The following HHAT variants were observed in gnomAD, a reference collection of about 807,000 sequenced individuals.
HHAT encodes hedgehog acyltransferase, also known as protein-cysteine N-palmitoyltransferase HHAT.
HHAT carries 47 observed loss-of-function variants against 70.8 expected under a neutral mutation model. The ratio of observed to expected loss-of-function variants is 0.66; its 90% CI spans 0.53 to 0.85. The LOEUF (loss-of-function observed/expected upper bound fraction) is 0.85. Among genes scored for constraint, HHAT ranks in the 40% least tolerant of loss-of-function variants. The pLI is 0.00. For missense variants in HHAT, 609 were observed against 604.8 expected (o/e 1.01, Z -0.07); for synonymous variants, 228 against 247.6 (o/e 0.92, Z 0.74).
intron 9 of HHAT, among the ~76,000 whole-genome samples, chr1:210,528,209 C>T (rs2095273575): frequency 6.6e-6 from 1 of 152,100 alleles, no homozygotes; most frequent in South Asian, 2.1e-4. Flanking sequence ...TGCACCAGAC[C>T]CAGGGGTGGT....
At chr1:210,589,754 A>G (rs1386915428) in intron 10 of HHAT, 1 of 152,212 alleles carries the variant, frequency 6.6e-6, no homozygotes, top group African/African-American at 2.4e-5. Context: ...TTCAAAATAA[A>G]TCAAGGCATC....
At chr1:210,433,753 T>C (rs188367530) in intron 7 of HHAT, among the ~76,000 whole-genome samples, 2 of 152,072 alleles carry the variant, frequency 1.3e-5, no homozygotes, top group East Asian at 1.9e-4. Flanking sequence ...TTCAGGGTGA[T>C]GTTGATGATG....
chr1:210,424,088 AT>A (rs1215083804), intron 7 of HHAT, among the ~76,000 whole-genome samples: 1 of 152,120 alleles, frequency 6.6e-6, no homozygotes, highest in African/African-American at 2.4e-5. Flanking sequence ...TGTTACTGGT[AT>A]TTTGATAGGA....
chr1:210,534,655 A>T (rs980731620), intron 9 of HHAT, among the ~76,000 whole-genome samples: 8 of 152,198 alleles, frequency 5.3e-5, no homozygotes, highest in African/African-American at 1.9e-4. Flanking sequence ...AGGTAATTTT[A>T]TACCATATTT....
intron 4 of HHAT, among the ~76,000 whole-genome samples, chr1:210,397,057 G>C (rs2091828935): frequency 6.6e-6 from 1 of 151,684 alleles, no homozygotes; most frequent in South Asian, 2.1e-4. Context: ...AGAGAAATCT[G>C]AATAAGTTTG....
intron 9 of HHAT, among the ~76,000 whole-genome samples, chr1:210,540,562 CAT>C (rs1357782306): frequency 2.0e-5 from 3 of 151,054 alleles, no homozygotes; most frequent in Non-Finnish European, 4.4e-5. Flanking sequence ...TAGACATACA[CAT>C]AGTGTGTATA....
At chr1:210,536,013 A>T (rs565559826) in intron 9 of HHAT, among the ~76,000 whole-genome samples, 1 of 152,346 alleles carries the variant, frequency 6.6e-6, no homozygotes, top group South Asian at 2.1e-4. Context: ...GGGCATATGC[A>T]TATCGAGTCC....
At chr1:210,386,248 T>TC (rs1157778393) in intron 3 of HHAT, among the ~76,000 whole-genome samples, 1 of 116,634 alleles carries the variant, frequency 8.6e-6, no homozygotes, top group Non-Finnish European at 1.8e-5. Context: ...TTTTTTTTTT[T>TC]TTTTTTTTGA....
chr1:210,638,305 G>C (rs1322657445), intron 11 of HHAT, among the ~76,000 whole-genome samples: 2 of 152,292 alleles, frequency 1.3e-5, no homozygotes, highest in East Asian at 3.9e-4. Context: ...TCTGTCAAAT[G>C]ATATGTGGCA....
intron 7 of HHAT, among the ~76,000 whole-genome samples, chr1:210,419,094 C>T (rs1475240702): frequency 6.6e-6 from 1 of 152,154 alleles, no homozygotes; most frequent in Admixed American, 6.5e-5. Context: ...TCACCAATGA[C>T]TGGTGTGTAA....
chr1:210,556,375 G>A (rs935511939), intron 9 of HHAT, among the ~76,000 whole-genome samples: 7 of 152,148 alleles, frequency 4.6e-5, no homozygotes, highest in Non-Finnish European at 1.0e-4. Flanking sequence ...TTATCACTGC[G>A]TCCTCTAGCT....
At chr1:210,429,553 GT>G (rs1313302961) in intron 7 of HHAT, among the ~76,000 whole-genome samples, 1 of 151,340 alleles carries the variant, frequency 6.6e-6, no homozygotes, top group East Asian at 1.9e-4. Context: ...TAAACTGAAA[GT>G]TAGATCTAGA....
chr1:210,356,946 T>G (rs1009173928), intron 2 of HHAT, among the ~76,000 whole-genome samples: 2 of 152,242 alleles, frequency 1.3e-5, no homozygotes, highest in African/African-American at 4.8e-5. Context: ...TACAAGGCTT[T>G]GTGAAAAGAC....
At chr1:210,529,596 C>A (rs1210842321) in intron 9 of HHAT, among the ~76,000 whole-genome samples, 1 of 152,180 alleles carries the variant, frequency 6.6e-6, no homozygotes, top group Non-Finnish European at 1.5e-5. Context: ...GCTACTACCC[C>A]AGTGTATCCC....
chr1:210,413,637 C>T lies in HHAT; in HGVS notation c.685-4517C>T, dbSNP rs6667070. Among the ~76,000 whole-genome samples, 989 of 152,282 alleles carry T rather than the reference C, an allele frequency of 6.5e-3. 11 individuals are homozygous for T. The highest frequency in any genetic ancestry group is 0.023 in the African/African-American group (941 of 41,548). ...CTGCCTTCCACAAAACACTAGGATACGAACACAATTCAGCCAAGTTCTTTG... is the reference window on the plus strand; with the variant it reads ...CTGCCTTCCACAAAACACTAGGATATGAACACAATTCAGCCAAGTTCTTTG... On this transcript the variant is annotated intron_variant, in intron 6 of 11. Coordinates refer to ENST00000261458, the MANE Select transcript of HHAT (RefSeq NM_018194.6).
intron 9 of HHAT, among the ~76,000 whole-genome samples, chr1:210,535,574 T>G (rs2095363405): frequency 6.6e-6 from 1 of 152,066 alleles, no homozygotes. Flanking sequence ...CCGCTTGGTG[T>G]GCAAACAGCT....
intron 11 of HHAT, among the ~76,000 whole-genome samples, chr1:210,648,902 G>A (rs1674590425): frequency 6.6e-6 from 1 of 152,186 alleles, no homozygotes; most frequent in South Asian, 2.1e-4. Flanking sequence ...GAAATGTTCA[G>A]GGAATTTGTG....
chr1:210,634,471 G>A (rs73063643), intron 11 of HHAT, among the ~76,000 whole-genome samples: 1,917 of 152,288 alleles, frequency 0.013, 41 homozygotes, highest in African/African-American at 0.041. Flanking sequence ...TGTGTTCTGA[G>A]GGTTGTCAAT....
In HHAT at chr1:210,615,430, T is replaced by C. The variant is rs567097000; in HGVS notation, c.1246-8096T>C. Among the ~76,000 whole-genome samples, 24 of 152,364 alleles carry C rather than the reference T, an allele frequency of 1.6e-4. No individual in the cohort carries two copies. In the East Asian group the frequency reaches 4.6e-3, roughly 29 times the overall value. On this transcript the variant is annotated intron_variant, in intron 10 of 11. Transcript: ENST00000261458. ...AGTTTGATCGTCTGAAGCCTTCTTC[T>C]CTCAACTCATCAAATTCATTCTCCG...
Sources: gnomAD v4.1 joint callset for allele counts (sites outside exome capture counted in the v4.1 genomes callset) on GRCh38, gnomAD v4.1.1 for gene constraint, MANE v1.5 for transcripts, NCBI Gene and HGNC (gene_info 2026-07-23, HGNC 2026-07-21) for gene names.